Variants in PDE10A observed in about 807,000 individuals in gnomAD.
PDE10A encodes cAMP and cAMP-inhibited cGMP 3',5'-cyclic phosphodiesterase 10A.
In PDE10A, 39 loss-of-function variants were observed where a neutral mutation model predicts 97.7. The ratio of observed to expected loss-of-function variants is 0.40; its 90% CI spans 0.31 to 0.52. PDE10A has a LOEUF of 0.52. Among genes scored for constraint, PDE10A ranks in the 20% least tolerant of loss-of-function variants. The pLI is 0.56. For synonymous variants in PDE10A, 371 were observed against 376.8 expected (o/e 0.98, Z 0.18); for missense variants, 731 against 1,047.8 (o/e 0.70, Z 4.17).
chr6:165,725,453 G>T (rs1489725123), intron 1 of PDE10A, among the ~76,000 whole-genome samples: 1 of 152,160 alleles, frequency 6.6e-6, no homozygotes, highest in Non-Finnish European at 1.5e-5. Flanking sequence ...TCCCCCTAGG[G>T]GTATGAGCAG....
At chr6:165,458,985 CATCTTTCAACGTACA>C (rs1778132497) in intron 3 of PDE10A, among the ~76,000 whole-genome samples, 1 of 122,332 alleles carries the variant, frequency 8.2e-6, no homozygotes, top group African/African-American at 3.4e-5. Flanking sequence ...ATTTCTTCAG[CATCTTTCAACGTACA>C]ACAGTTCCCT....
intron 1 of PDE10A, among the ~76,000 whole-genome samples, chr6:165,809,018 T>C (rs946051616): frequency 7.4e-4 from 113 of 152,354 alleles, no homozygotes; most frequent in African/African-American, 2.6e-3. Flanking sequence ...AAATAACCCC[T>C]GTCTATAGAT....
At chr6:165,420,743 C>A (rs1400723330) in intron 10 of PDE10A, among the ~76,000 whole-genome samples, 2 of 152,050 alleles carry the variant, frequency 1.3e-5, no homozygotes, top group African/African-American at 4.8e-5. Flanking sequence ...AAAGATAATT[C>A]AAAAACTATC....
rs1449829307 is a variant in PDE10A at position 165,401,322 on chromosome 6, A to G, written c.2077-4863T>C. Among the ~76,000 whole-genome samples, 6 of 152,348 alleles carry G rather than the reference A, an allele frequency of 3.9e-5. No homozygotes were observed. The East Asian group carries it at 1.2e-3, about 29-fold the overall frequency. On this transcript the variant is annotated intron_variant, in intron 13 of 21. Transcript: ENST00000539869. ...TCTGTTTTCAAAGTGCTCTCTTCAC[A>G]GCATGAATTTCTTTGGAAACCAATT...
chr6:165,568,599 A>G (rs942622384), intron 1 of PDE10A, among the ~76,000 whole-genome samples: 1 of 152,136 alleles, frequency 6.6e-6, no homozygotes, highest in Non-Finnish European at 1.5e-5. Context: ...ATCAACTGTC[A>G]TGGTATCCCA....
intron 1 of PDE10A, among the ~76,000 whole-genome samples, chr6:165,973,371 TC>T (rs1346611011): frequency 1.3e-5 from 2 of 150,560 alleles, no homozygotes; most frequent in Admixed American, 6.6e-5. Flanking sequence ...CAAGACCGCA[TC>T]ATTGCACTCC....
At chr6:165,584,654 C>T (rs1263097159) in intron 1 of PDE10A, among the ~76,000 whole-genome samples, 2 of 152,180 alleles carry the variant, frequency 1.3e-5, no homozygotes, top group South Asian at 2.1e-4. Flanking sequence ...CACCTGGTTG[C>T]TTTTCGGCTA....
chr6:165,592,371 C>T (rs1316016068), intron 1 of PDE10A, among the ~76,000 whole-genome samples: 1 of 152,114 alleles, frequency 6.6e-6, no homozygotes, highest in Non-Finnish European at 1.5e-5. Flanking sequence ...TAGGCAATAC[C>T]ATTCAGGACA....
chr6:165,793,848 C>T (rs568010990), intron 1 of PDE10A, among the ~76,000 whole-genome samples: 45 of 152,338 alleles, frequency 3.0e-4, no homozygotes, highest in African/African-American at 1.1e-3. Context: ...CACACAGTGA[C>T]AGTAACTTGC....
Position 165,435,381 on chromosome 6 carries a change from G to A in PDE10A, c.1195-4C>T, listed in dbSNP as rs756513722. 1.2e-6 allele frequency: 2 copies of A among 1,611,024 alleles called. No homozygotes were observed. The highest frequency in any genetic ancestry group is 1.7e-6 in the Non-Finnish European group (2 of 1,178,830). ...GTGGCGTGAATATACACAGGCTCTA[G>A]GGAGAAGAAAAGATGTTTTACAGAC... On this transcript the variant is annotated splice_polypyrimidine_tract_variant and splice_region_variant and intron_variant, in intron 5 of 21. Transcript: ENST00000539869.
At chr6:165,531,110 G>A (rs1174234391) in intron 2 of PDE10A, among the ~76,000 whole-genome samples, 17 of 151,444 alleles carry the variant, frequency 1.1e-4, no homozygotes, top group Admixed American at 1.1e-3. Flanking sequence ...TTAAACTCTG[G>A]TGTCTCAGGG....
chr6:165,529,221 A>T (rs754161948), intron 2 of PDE10A, among the ~76,000 whole-genome samples: 3 of 152,220 alleles, frequency 2.0e-5, no homozygotes, highest in Non-Finnish European at 4.4e-5. Context: ...ACTGACCCAG[A>T]CTATCAAGAT....
intron 1 of PDE10A, among the ~76,000 whole-genome samples, chr6:165,933,276 G>A (rs660244): frequency 0.091 from 13,886 of 152,140 alleles, 808 homozygotes; most frequent in African/African-American, 0.16. Flanking sequence ...TTTCCAGAGA[G>A]GGAAGAGAAT....
At chr6:165,464,463 A>G (rs1283864531) in intron 3 of PDE10A, among the ~76,000 whole-genome samples, 1 of 152,254 alleles carries the variant, frequency 6.6e-6, no homozygotes. Flanking sequence ...AGGTAGTTTT[A>G]GAATTGCTAA....
intron 1 of PDE10A, among the ~76,000 whole-genome samples, chr6:165,818,878 G>A (rs1322229664): frequency 1.3e-5 from 2 of 152,224 alleles, no homozygotes; most frequent in East Asian, 3.8e-4. Context: ...CACAGCTGTA[G>A]TATGTTTAGC....
At chr6:165,866,455 A>G (rs1354776631) in intron 1 of PDE10A, among the ~76,000 whole-genome samples, 2 of 145,660 alleles carry the variant, frequency 1.4e-5, no homozygotes, top group East Asian at 2.1e-4. Context: ...TGGGTTGACC[A>G]TACACAGTCA....
upstream of PDE10A, among the ~76,000 whole-genome samples, chr6:165,666,749 T>C (rs1342864713): frequency 1.3e-5 from 2 of 152,142 alleles, no homozygotes; most frequent in African/African-American, 4.8e-5. Context: ...CTTTGTTGTC[T>C]AGACTCCTGG....
chr6:165,411,602 G>A (rs959536478), intron 13 of PDE10A, among the ~76,000 whole-genome samples: 6 of 152,142 alleles, frequency 3.9e-5, no homozygotes, highest in African/African-American at 1.4e-4. Context: ...TATTACAGTG[G>A]CCCTAGCAAG....
chr6:165,568,060 A>G (rs187099189), intron 1 of PDE10A, among the ~76,000 whole-genome samples: 66 of 127,548 alleles, frequency 5.2e-4, no homozygotes, highest in Admixed American at 3.4e-3. Flanking sequence ...GTGCAGTGGC[A>G]CAATCTTGGC....
Sources: allele counts gnomAD v4.1 joint callset (sites outside exome capture counted in the v4.1 genomes callset), GRCh38; gene constraint gnomAD v4.1.1; transcripts MANE v1.5; gene names NCBI Gene and HGNC (gene_info 2026-07-23, HGNC 2026-07-21).